The following CACNA1I variants were observed in gnomAD, a reference collection of about 807,000 sequenced individuals.
The protein encoded by CACNA1I is calcium voltage-gated channel subunit alpha1 I, also known as voltage-dependent T-type calcium channel subunit alpha-1I.
Under a neutral mutation model 201.6 loss-of-function variants are expected in CACNA1I, and 74 were observed. The ratio of observed to expected loss-of-function variants is 0.37; its 90% confidence interval spans 0.30 to 0.45. The LOEUF (loss-of-function observed/expected upper bound fraction) is 0.45. Among genes scored for constraint, CACNA1I ranks in the 20% least tolerant of loss-of-function variants. The pLI is 1.00. For missense variants in CACNA1I, 2,346 were observed against 3,138.1 expected (o/e 0.75, Z 6.03); for synonymous variants, 1,431 against 1,345.2 (o/e 1.06, Z -1.40).
chr22:39,671,835 T>A (rs5757765), intron 26 of CACNA1I, among the ~76,000 whole-genome samples: 1 of 151,950 alleles, frequency 6.6e-6, no homozygotes, highest in South Asian at 2.1e-4. Flanking sequence ...TCATTTAATT[T>A]GCATACCAGC....
intron 1 of CACNA1I, among the ~76,000 whole-genome samples, chr22:39,579,797 C>T (rs1318902103): frequency 2.6e-5 from 4 of 152,176 alleles, no homozygotes; most frequent in African/African-American, 4.8e-5. Flanking sequence ...CAGGCGCCCA[C>T]CACCATGCCT....
chr22:39,681,134 C>G, intron 34 of CACNA1I, 82 bp downstream of exon 34: 1 of 1,467,756 alleles, frequency 6.8e-7, no homozygotes, highest in South Asian at 1.3e-5. Flanking sequence ...ACCCCCCTGT[C>G]TTTCCAGTCT....
chr22:39,599,737 C>T (rs1359097538), intron 2 of CACNA1I, among the ~76,000 whole-genome samples: 7 of 152,120 alleles, frequency 4.6e-5, no homozygotes, highest in Admixed American at 1.3e-4. Context: ...CCTCAGCAGC[C>T]CCGGGCCCCA....
At chr22:39,646,533 G>T (rs1042035829) in intron 7 of CACNA1I, 36 bp from the exon 8 acceptor site, 2 of 1,500,918 alleles carry the variant, frequency 1.3e-6, no homozygotes, top group Admixed American at 2.1e-5. Flanking sequence ...CTCCATCCCT[G>T]TCCCTGTCCC....
At position 39,672,968 on chromosome 22, in the gene CACNA1I, GCCATTGTGCTA is replaced by G; in HGVS notation, c.4671_4681del (p.Ile1558ValfsTer117). 6.2e-7 allele frequency: 1 copy of G among 1,613,634 alleles called. No homozygotes were observed. Among genetic ancestry groups the G allele is most frequent in the Non-Finnish European group, 8.5e-7 (1 of 1,179,680 alleles). On this transcript the variant is annotated frameshift_variant, in exon 28 of 37. Transcript: ENST00000402142. LOFTEE classifies it high-confidence loss of function. ...GAGCAGATGGAACCAGCTGGACCTG[GCCATTGTGCTA>G]CTGTCAGTCATGGGCATCACCCTGG...
chr22:39,678,009 C>T lies in CACNA1I; in HGVS notation c.4956C>T (p.Cys1652=), dbSNP rs758332678. Residue 1652 remains cysteine (C), a synonymous_variant, in exon 31 of 37, where the codon TGC becomes TGT. Coordinates refer to ENST00000402142, the MANE Select transcript of CACNA1I (RefSeq NM_021096.4). ...CAGTCTGCAACGACGAGAACCCGTG[C>T]GAGGGCATGAGCCGGCATGCCACCT... The part of the protein sequence containing the change: ...GKLVCNDENP[C]EGMSRHATFE... The T allele has an allele frequency of 4.4e-5, 71 of 1,597,386 alleles. No homozygotes were observed. The highest frequency in any genetic ancestry group is 2.3e-4 in the Admixed American group (13 of 57,706).
At chr22:39,593,549 G>C (rs773673714) in intron 1 of CACNA1I, among the ~76,000 whole-genome samples, 1 of 152,210 alleles carries the variant, frequency 6.6e-6, no homozygotes, top group Admixed American at 6.5e-5. Flanking sequence ...CAGAAGGCGT[G>C]TTTGGAGAAA....
At chr22:39,683,584 C>T (rs1473812561) in intron 35 of CACNA1I, among the ~76,000 whole-genome samples, 1 of 152,210 alleles carries the variant, frequency 6.6e-6, no homozygotes, top group Non-Finnish European at 1.5e-5. Flanking sequence ...GATGGTATGG[C>T]ATAGGAACCC....
At chr22:39,605,248 G>A (rs2146375636) in intron 3 of CACNA1I, among the ~76,000 whole-genome samples, 2 of 152,260 alleles carry the variant, frequency 1.3e-5, no homozygotes, top group Admixed American at 1.3e-4. Flanking sequence ...CTCCGAGTTA[G>A]AAGGTTCCTT....
rs1346675128 is a variant in CACNA1I, at chr22:39,646,861, C to T, written c.1442C>T (p.Ala481Val). The T allele has an allele frequency of 3.3e-6, 5 of 1,510,478 alleles. No individual in the cohort carries two copies. Among genetic ancestry groups the T allele is most frequent in the African/African-American group, 1.4e-5 (1 of 71,304 alleles). 93.6% of individuals were successfully genotyped at this position (1,510,478 alleles called of 1,614,324 possible). A position where few individuals can be genotyped will look rare whatever the true frequency, so the allele number is the denominator to read the frequency against. ...GCCCCCGCCAAACCTGGGCCCCACG[C>T]CAAGGAGCCCCGGCACTACCGTAAG... is the stretch of plus-strand genomic sequence containing the variant. ...APAPAKPGPHAKEPRHYHGKT... is the reference protein window; with the variant it reads ...APAPAKPGPHVKEPRHYHGKT... The change falls in exon 8 of 37, where the codon GCC becomes GTC. Residue 481 changes from alanine to valine, a missense_variant. By Grantham distance (64) the Ala-to-Val change is moderately conservative. This residue lies in a region of CACNA1I where 312 missense variants were observed against 331.5 expected (regional missense o/e 0.94). Coordinates refer to ENST00000402142, the MANE Select transcript of CACNA1I (RefSeq NM_021096.4).
chr22:39,607,020 G>C (rs995865550), intron 3 of CACNA1I, among the ~76,000 whole-genome samples: 15 of 152,042 alleles, frequency 9.9e-5, no homozygotes, highest in Admixed American at 9.8e-4. Flanking sequence ...TGCCACCTGT[G>C]GGGAGGGGCC....
In CACNA1I at chr22:39,680,517, G is replaced by A. The variant is rs572884129; in HGVS notation, c.5542-413G>A. On this transcript the variant is annotated intron_variant, in intron 33 of 36. Coordinates refer to ENST00000402142, the MANE Select transcript of CACNA1I (RefSeq NM_021096.4). ...CCCTGTGGTGGCTGCAGATTCTCCG[G>A]TGTCTCTGGGCCCCGCAGTGTCCCC... is the stretch of plus-strand genomic sequence containing the variant. Among the ~76,000 whole-genome samples the A allele has an allele frequency of 2.5e-3, 374 of 152,338 alleles. 2 individuals are homozygous for A. Among genetic ancestry groups the A allele is most frequent in the African/African-American group, 8.6e-3 (357 of 41,574 alleles).
Position 39,684,782 on chromosome 22 carries a change from G to A in CACNA1I, c.6027+284G>A, listed in dbSNP as rs1935809148. Reference sequence around the variant, plus strand: ...CTGTGATCCCTAGCTTGAGGGGAGGGGAGGAGAGGAGGAGGAGTACTGGAG... The same window carrying A: ...CTGTGATCCCTAGCTTGAGGGGAGGAGAGGAGAGGAGGAGGAGTACTGGAG... On this transcript the variant is annotated intron_variant, in intron 36 of 36. Transcript: ENST00000402142. The surrounding 1 kb of genome is among the most constrained non-coding windows in gnomAD (Gnocchi z 4.6). 1 of 590,692 alleles carries A rather than the reference G, an allele frequency of 1.7e-6. No homozygotes were observed. The highest frequency in any genetic ancestry group is 2.1e-5 in the South Asian group (1 of 47,582). The allele number at this position is 590,692 out of a possible 1,614,324, so 36.6% of individuals were successfully genotyped here.
intron 3 of CACNA1I, among the ~76,000 whole-genome samples, chr22:39,617,631 A>G (rs1933582910): frequency 6.6e-6 from 1 of 151,976 alleles, no homozygotes; most frequent in Admixed American, 6.5e-5. Context: ...GGCTGCCTGG[A>G]GAGCTCTTTC....
chr22:39,602,172 A>G (rs1012860995), intron 3 of CACNA1I, among the ~76,000 whole-genome samples: 2 of 146,514 alleles, frequency 1.4e-5, no homozygotes, highest in Non-Finnish European at 3.0e-5. Context: ...CCTAGGCTCA[A>G]AGGATCCTCC....
At chr22:39,652,797 C>T (rs1321452754) in intron 10 of CACNA1I, among the ~76,000 whole-genome samples, 1 of 152,174 alleles carries the variant, frequency 6.6e-6, no homozygotes, top group East Asian at 1.9e-4. Flanking sequence ...CCCAGCTTCT[C>T]AGGAGGCTGA....
chr22:39,662,505 G>A (rs1935057554), intron 17 of CACNA1I, 70 bp downstream of exon 17: 1 of 1,208,932 alleles, frequency 8.3e-7, no homozygotes, highest in African/African-American at 1.6e-5. Context: ...GGCCCCAGGA[G>A]GCGGGGCCCG....
chr22:39,595,130 T>C (rs1932865675), intron 1 of CACNA1I, among the ~76,000 whole-genome samples: 1 of 148,146 alleles, frequency 6.8e-6, no homozygotes, highest in Non-Finnish European at 1.5e-5. Flanking sequence ...TCTACTAAAA[T>C]ACAAAAAAAT....
intron 8 of CACNA1I, among the ~76,000 whole-genome samples, chr22:39,647,536 G>A (rs373676180): frequency 4.5e-4 from 68 of 152,182 alleles, no homozygotes; most frequent in African/African-American, 1.6e-3. Flanking sequence ...CTCAGCCTTC[G>A]GAGTAGCTGG....
Sources: allele counts gnomAD v4.1 joint callset (sites outside exome capture counted in the v4.1 genomes callset), GRCh38; gene constraint gnomAD v4.1.1; regional missense constraint gnomAD v4.1.1; non-coding constraint Gnocchi (gnomAD v3.1); transcripts MANE v1.5; gene names NCBI Gene and HGNC (gene_info 2026-07-23, HGNC 2026-07-21).